Variants in RIMS2 observed in about 807,000 individuals in gnomAD.
RIMS2 encodes regulating synaptic membrane exocytosis protein 2.
A neutral mutation model predicts 174.4 loss-of-function variants in RIMS2; 59 were observed. That is an observed-to-expected ratio of 0.34 (90% CI 0.27 to 0.42). The LOEUF is 0.42. Ranked by LOEUF, RIMS2 falls within the 10% of genes least tolerant of loss-of-function variation. The probability of loss-of-function intolerance (pLI) is 1.00; values close to 1 mark genes in which losing one functional copy is unlikely to be tolerated. For missense variants in RIMS2, 1,620 were observed against 1,666.3 expected, an observed-to-expected ratio of 0.97 and a Z score of 0.48; for synonymous variants, 606 against 572.5, an observed-to-expected ratio of 1.06 and a Z score of -0.84.
intron 10 of RIMS2, among the ~76,000 whole-genome samples, chr8:103,925,502 G>A (rs1256985487): frequency 6.6e-6 from 1 of 151,392 alleles, no homozygotes; most frequent in Non-Finnish European, 1.5e-5. Flanking sequence ...TTGTATGAAA[G>A]GAATGTTCTA....
chr8:103,539,364 A>G (rs1292095090), intron 1 of RIMS2, among the ~76,000 whole-genome samples: 1 of 152,222 alleles, frequency 6.6e-6, no homozygotes, highest in East Asian at 1.9e-4. Context: ...TATTTCACAC[A>G]CACAAAAACA....
chr8:103,524,120 A>T (rs1832909446), intron 1 of RIMS2, among the ~76,000 whole-genome samples: 1 of 152,148 alleles, frequency 6.6e-6, no homozygotes, highest in African/African-American at 2.4e-5. Context: ...TGAACTGCTG[A>T]TTGTTTCAGT....
At chr8:103,835,445 G>A (rs1454260503) in intron 3 of RIMS2, among the ~76,000 whole-genome samples, 1 of 147,926 alleles carries the variant, frequency 6.8e-6, no homozygotes, top group Admixed American at 6.7e-5. Context: ...GGCATTGATT[G>A]AATTTGGTTA....
chr8:104,189,126 A>C (rs2098984249), intron 19 of RIMS2, among the ~76,000 whole-genome samples: 1 of 152,018 alleles, frequency 6.6e-6, no homozygotes, highest in South Asian at 2.1e-4. Flanking sequence ...TATTATTTTA[A>C]GAACAATAAG....
intron 2 of RIMS2, among the ~76,000 whole-genome samples, chr8:103,745,729 G>A (rs964233731): frequency 6.6e-6 from 1 of 152,092 alleles, no homozygotes; most frequent in Non-Finnish European, 1.5e-5. Flanking sequence ...ATGACATTGA[G>A]CATTACTTCT....
intron 17 of RIMS2, among the ~76,000 whole-genome samples, chr8:104,006,838 T>C (rs1194834080): frequency 6.6e-6 from 1 of 152,020 alleles, no homozygotes; most frequent in Non-Finnish European, 1.5e-5. Flanking sequence ...GTATGTGCCT[T>C]TTTTGAACTA....
chr8:103,883,002 T>C (rs1278782730), intron 3 of RIMS2, among the ~76,000 whole-genome samples: 1 of 151,630 alleles, frequency 6.6e-6, no homozygotes, highest in Non-Finnish European at 1.5e-5. Flanking sequence ...GCATTAAGCT[T>C]TCATGTAGGC....
chr8:104,131,898 C>A (rs1248523512), intron 19 of RIMS2, among the ~76,000 whole-genome samples: 1 of 151,928 alleles, frequency 6.6e-6, no homozygotes, highest in Non-Finnish European at 1.5e-5. Context: ...ATAATACAAG[C>A]ACTATAGAAT....
At chr8:103,838,924 G>C (rs548193000) in intron 3 of RIMS2, among the ~76,000 whole-genome samples, 112 of 152,244 alleles carry the variant, frequency 7.4e-4, no homozygotes, top group Non-Finnish European at 1.5e-3. Flanking sequence ...AATTAGCCGG[G>C]CGTGGTGGCG....
chr8:103,658,568 G>A (rs2096559214), intron 1 of RIMS2, among the ~76,000 whole-genome samples: 1 of 152,158 alleles, frequency 6.6e-6, no homozygotes. Flanking sequence ...GCTTCTGGAA[G>A]CTTCTTAAGA....
At chr8:103,556,822 A>C (rs1002421972) in intron 1 of RIMS2, among the ~76,000 whole-genome samples, 3 of 152,166 alleles carry the variant, frequency 2.0e-5, no homozygotes, top group Admixed American at 6.5e-5. Flanking sequence ...GGGTTAACCC[A>C]AAAACCTACC....
intron 14 of RIMS2, among the ~76,000 whole-genome samples, chr8:103,951,609 C>T (rs2085391539): frequency 6.6e-6 from 1 of 152,180 alleles, no homozygotes; most frequent in Non-Finnish European, 1.5e-5. Flanking sequence ...ATCCCGCAGA[C>T]CAGGAGATTC....
chr8:103,918,370 T>C, intron 8 of RIMS2, 71 bp from the exon 12 acceptor site: 1 of 904,404 alleles, frequency 1.1e-6, no homozygotes, highest in East Asian at 2.4e-5. Flanking sequence ...AGGTTGATAA[T>C]AATAAAAAAT....
At chr8:103,819,392 T>G in intron 3 of RIMS2, 8 of 1,570,376 alleles carry the variant, frequency 5.1e-6, no homozygotes, top group Non-Finnish European at 6.8e-6. Context: ...TTTACAGAGC[T>G]CAGGAGAAAT....
chr8:103,978,012 G>T (rs981552818), intron 16 of RIMS2, among the ~76,000 whole-genome samples: 6 of 152,156 alleles, frequency 3.9e-5, no homozygotes, highest in African/African-American at 1.4e-4. Context: ...TCCCTCTGTA[G>T]CTCTGTAGAC....
chr8:104,227,871 A>G (rs779848315), intron 19 of RIMS2, among the ~76,000 whole-genome samples: 7 of 152,196 alleles, frequency 4.6e-5, no homozygotes, highest in Admixed American at 2.0e-4. Flanking sequence ...AAAACCATCT[A>G]AGAAATAAGA....
At chr8:104,020,143 G>A (rs2096050254) in intron 19 of RIMS2, among the ~76,000 whole-genome samples, 1 of 151,616 alleles carries the variant, frequency 6.6e-6, no homozygotes, top group African/African-American at 2.4e-5. Flanking sequence ...CTTTTCTCTT[G>A]TGTTCATTAA....
rs773547181 is a variant in RIMS2, at chr8:104,148,850, T to C, written c.3335-96066T>C. 13 of 1,595,746 alleles carry C rather than the reference T, an allele frequency of 8.1e-6. No individual in the cohort carries two copies. In the East Asian group the frequency reaches 2.9e-4, roughly 36 times the overall value. ...GTGCTTCTCAGCTCAGCCAAACGGG[T>C]AGGAATTTCAATGTTACTTTTAACT... On this transcript the variant is annotated intron_variant, in intron 19 of 23. Coordinates refer to ENST00000504942, the Ensembl canonical transcript of RIMS2.
intron 20 of RIMS2, among the ~76,000 whole-genome samples, chr8:104,246,960 A>G (rs1376327021): frequency 6.7e-6 from 1 of 149,898 alleles, no homozygotes; most frequent in Non-Finnish European, 1.5e-5. Flanking sequence ...GAGTGACAGG[A>G]TCTGACTTCC....
Sources: gnomAD v4.1 joint callset for allele counts (sites outside exome capture counted in the v4.1 genomes callset) on GRCh38, gnomAD v4.1.1 for gene constraint, MANE v1.5 for transcripts, NCBI Gene and HGNC (gene_info 2026-07-23, HGNC 2026-07-21) for gene names.